TBC1D15: variants seen among roughly 807,000 people sequenced by gnomAD.
TBC1D15 encodes the protein TBC1 domain family member 15.
In TBC1D15, 39 loss-of-function variants were observed where a neutral mutation model predicts 95.4. That is an observed-to-expected ratio of 0.41 (90% CI 0.32 to 0.53). The LOEUF (loss-of-function observed/expected upper bound fraction) is 0.53, where lower values mean the gene tolerates loss of function less well. TBC1D15 is among the 20% of genes least tolerant of loss of function. The pLI, the probability that TBC1D15 is intolerant of heterozygous loss-of-function variation, is 0.29. For synonymous variants in TBC1D15, 258 were observed against 261.3 expected (o/e 0.99, Z 0.12); for missense variants, 733 against 794.3 (o/e 0.92, Z 0.93).
intron 1 of TBC1D15, chr12:71,854,695 A>G (rs1440297191): frequency 2.2e-6 from 1 of 455,630 alleles, no homozygotes; most frequent in East Asian, 6.9e-5. Context: ...TGTAATTTGT[A>G]TTAAAGTGTC....
chr12:71,881,197 C>T (rs1895057384), intron 4 of TBC1D15, among the ~76,000 whole-genome samples: 1 of 152,192 alleles, frequency 6.6e-6, no homozygotes, highest in East Asian at 1.9e-4. Flanking sequence ...TGTACGGTCA[C>T]AGTGCAGTGC....
At chr12:71,877,818 C>T (rs527561005) in intron 3 of TBC1D15, among the ~76,000 whole-genome samples, 5 of 152,120 alleles carry the variant, frequency 3.3e-5, no homozygotes, top group Admixed American at 1.3e-4. Flanking sequence ...AGTCCATTTC[C>T]CTCTAGTGAC....
chr12:71,896,010 AAG>A lies in TBC1D15; in HGVS notation c.921_922del (p.Asn308HisfsTer2). The A allele has an allele frequency of 6.2e-7, 1 of 1,612,678 alleles. No homozygotes were observed. Among genetic ancestry groups the A allele is most frequent in the Non-Finnish European group, 8.5e-7 (1 of 1,178,934 alleles). ...REPVSLEEWT[K>X]NIDSEGRILN... ...ACCGGTATCACTGGAAGAATGGACT[AAG>A]AACATTGATTCTGAAGGAAGAATTT... On this transcript the variant is annotated frameshift_variant, in exon 8 of 17. Transcript: ENST00000485960. LOFTEE classifies it high-confidence loss of function.
At chr12:71,849,463 A>G in intron 1 of TBC1D15, 1 of 969,618 alleles carries the variant, frequency 1.0e-6, no homozygotes, top group Non-Finnish European at 1.7e-6. Flanking sequence ...GAAGATTCCA[A>G]ACTCATTCCA....
intron 1 of TBC1D15, among the ~76,000 whole-genome samples, chr12:71,851,853 G>A (rs569291122): frequency 6.6e-6 from 1 of 152,278 alleles, no homozygotes; most frequent in East Asian, 1.9e-4. Flanking sequence ...TTGTGTGCCT[G>A]TGGCTTTTCC....
intron 1 of TBC1D15, among the ~76,000 whole-genome samples, chr12:71,857,872 A>G (rs905135813): frequency 2.6e-5 from 4 of 152,150 alleles, no homozygotes; most frequent in African/African-American, 9.7e-5. Flanking sequence ...GCCTGTGGTA[A>G]CTGCTGTTCT....
chr12:71,893,044 G>A (rs1420479022), intron 5 of TBC1D15, among the ~76,000 whole-genome samples, 178 bp from the exon 6 acceptor site: 2 of 149,716 alleles, frequency 1.3e-5, no homozygotes, highest in Non-Finnish European at 3.0e-5. Flanking sequence ...TATGTTTCAT[G>A]TAGTTTTGAA....
chr12:71,849,322 G>A (rs973932130), intron 1 of TBC1D15: 4 of 1,141,722 alleles, frequency 3.5e-6, no homozygotes, highest in Admixed American at 1.8e-5. Flanking sequence ...TTTAGGTAAG[G>A]AGGCTATCAT....
chr12:71,904,636 T>TC (rs1442659485), intron 10 of TBC1D15, among the ~76,000 whole-genome samples: 1 of 152,144 alleles, frequency 6.6e-6, no homozygotes, highest in Non-Finnish European at 1.5e-5. Flanking sequence ...GGGGTTGGTC[T>TC]TTGCCACAGA....
At chr12:71,848,656 ATCT>A (rs1010960269) in intron 1 of TBC1D15, among the ~76,000 whole-genome samples, 9 of 152,094 alleles carry the variant, frequency 5.9e-5, no homozygotes, top group African/African-American at 9.7e-5. Flanking sequence ...ATTTTTATTC[ATCT>A]TATATAAAAG....
rs200193368 is a variant in TBC1D15, at chr12:71,874,119, C to CT, written c.204+1117dup. Among the ~76,000 whole-genome samples, 137 of 152,334 alleles carry CT rather than the reference C, an allele frequency of 9.0e-4. 1 individual carries two copies. In the East Asian group the frequency reaches 0.02, roughly 22 times the overall value. ...TAACTTGATTACTTGTGTTAAGACC[C>CT]TATTTCCATTAGGTTGGTGCAAAGG... On this transcript the variant is annotated intron_variant, in intron 3 of 16. Transcript: ENST00000485960.
chr12:71,855,757 A>T (rs1405391827), intron 1 of TBC1D15, among the ~76,000 whole-genome samples: 1 of 151,306 alleles, frequency 6.6e-6, no homozygotes, highest in Non-Finnish European at 1.5e-5. Context: ...AGAAACAGTT[A>T]TCCTAACTTT....
intron 1 of TBC1D15, among the ~76,000 whole-genome samples, chr12:71,848,980 A>G (rs2137885513): frequency 6.6e-6 from 1 of 152,328 alleles, no homozygotes; most frequent in South Asian, 2.1e-4. Flanking sequence ...TAAAGTTTGC[A>G]GGAAATAGAA....
At chr12:71,891,798 G>T in intron 5 of TBC1D15, among the ~76,000 whole-genome samples, 1 of 152,186 alleles carries the variant, frequency 6.6e-6, no homozygotes, top group East Asian at 1.9e-4. Context: ...CTCCAGTTTA[G>T]TGGCCACTGT....
At chr12:71,888,399 G>C (rs1390956652) in intron 5 of TBC1D15, among the ~76,000 whole-genome samples, 1 of 151,640 alleles carries the variant, frequency 6.6e-6, no homozygotes, top group Non-Finnish European at 1.5e-5. Flanking sequence ...CTGGGAGGCA[G>C]AGGTTGCAGT....
intron 16 of TBC1D15, among the ~76,000 whole-genome samples, chr12:71,922,718 T>C (rs1242907360): frequency 6.6e-6 from 1 of 152,164 alleles, no homozygotes; most frequent in Admixed American, 6.5e-5. Flanking sequence ...ATGCCAAATA[T>C]TAGGACATGC....
intron 1 of TBC1D15, among the ~76,000 whole-genome samples, chr12:71,860,068 G>A (rs1298289608): frequency 1.3e-5 from 2 of 152,078 alleles, no homozygotes; most frequent in African/African-American, 2.4e-5. Context: ...AAAATCAGTT[G>A]GCTCTAAATT....
chr12:71,886,148 G>T (rs1462987105), intron 5 of TBC1D15, among the ~76,000 whole-genome samples: 1 of 152,150 alleles, frequency 6.6e-6, no homozygotes, highest in African/African-American at 2.4e-5. Flanking sequence ...GGGAGAAGTT[G>T]AGGTTTTGGG....
At chr12:71,917,164 ACAT>A (rs1217437347) in intron 12 of TBC1D15, among the ~76,000 whole-genome samples, 1 of 152,190 alleles carries the variant, frequency 6.6e-6, no homozygotes, top group Non-Finnish European at 1.5e-5. Context: ...GGAGTATCAC[ACAT>A]CATACAGCCT....
Sources: allele counts gnomAD v4.1 joint callset (sites outside exome capture counted in the v4.1 genomes callset), GRCh38; gene constraint gnomAD v4.1.1; transcripts MANE v1.5; gene names NCBI Gene and HGNC (gene_info 2026-07-23, HGNC 2026-07-21).